ADAMTS9: variants seen among roughly 807,000 people sequenced by gnomAD.
ADAMTS9 encodes ADAM metallopeptidase with thrombospondin type 1 motif 9, also known as A disintegrin and metalloproteinase with thrombospondin motifs 9.
In ADAMTS9, 107 loss-of-function variants were observed where a neutral mutation model predicts 257.1. The ratio of observed to expected loss-of-function variants is 0.42; its 90% CI spans 0.36 to 0.49. ADAMTS9 has a LOEUF of 0.49. Among genes scored for constraint, ADAMTS9 ranks in the 20% least tolerant of loss-of-function variants. The pLI, the probability that ADAMTS9 is intolerant of heterozygous loss-of-function variation, is 0.03. For synonymous variants in ADAMTS9, 982 were observed against 880.9 expected, an observed-to-expected ratio of 1.11 and a Z score of -2.03; for missense variants, 2,353 against 2,469.1, an observed-to-expected ratio of 0.95 and a Z score of 1.00.
Position 64,603,909 on chromosome 3 carries a change from T to A in ADAMTS9, c.3747+13A>T. ...CCCCATTCCCCCTAATTCCAAATAA[T>A]CCACTGGCTTACAGAGCTCCAGTCC... On this transcript the variant is annotated intron_variant, in intron 25 of 39. Transcript: ENST00000498707. The A allele has an allele frequency of 6.2e-7, 1 of 1,613,152 alleles. No homozygotes were observed. Among genetic ancestry groups the A allele is most frequent in the Non-Finnish European group, 8.5e-7 (1 of 1,179,482 alleles).
chr3:64,520,088 C>G (rs1408460477), intron 39 of ADAMTS9, among the ~76,000 whole-genome samples: 4 of 152,128 alleles, frequency 2.6e-5, no homozygotes, highest in African/African-American at 9.7e-5. Context: ...AAAATGACTT[C>G]AGTAAATTTT....
intron 30 of ADAMTS9, among the ~76,000 whole-genome samples, chr3:64,560,634 A>AATG (rs891116185): frequency 2.2e-4 from 34 of 152,102 alleles, no homozygotes; most frequent in Non-Finnish European, 7.4e-5. Flanking sequence ...TAATAATAAT[A>AATG]ATGCTCACCT....
In ADAMTS9 at chr3:64,648,523, C is replaced by T. The variant is rs551971583; in HGVS notation, c.1606-479G>A. 1.1e-3 allele frequency among the ~76,000 whole-genome samples: 165 copies of T among 152,272 alleles called. 1 individual carries two copies. The highest frequency in any genetic ancestry group is 3.7e-3 in the African/African-American group (154 of 41,564). On this transcript the variant is annotated intron_variant, in intron 10 of 39. Coordinates refer to ENST00000498707, the MANE Select transcript of ADAMTS9 (RefSeq NM_182920.2). Reference sequence around the variant, plus strand: ...CTGTTTTTTAGATCTATTCCATTTGCTATATTTAGCTCTATTTCAGGGCAC... The same window carrying T: ...CTGTTTTTTAGATCTATTCCATTTGTTATATTTAGCTCTATTTCAGGGCAC...
At chr3:64,631,745 T>G (rs1045144505) in intron 15 of ADAMTS9, 63 bp downstream of exon 15, 13 of 1,430,584 alleles carry the variant, frequency 9.1e-6, no homozygotes, top group Non-Finnish European at 1.3e-5. Context: ...ATATTACATG[T>G]GGTTAACAAT....
intron 32 of ADAMTS9, among the ~76,000 whole-genome samples, chr3:64,542,390 G>A (rs926712567): frequency 4.0e-5 from 6 of 149,320 alleles, no homozygotes; most frequent in East Asian, 2.0e-4. Context: ...CTTCCAAGTC[G>A]TTATACACTT....
At chr3:64,546,073 T>C (rs2083193933) in intron 32 of ADAMTS9, among the ~76,000 whole-genome samples, 1 of 152,224 alleles carries the variant, frequency 6.6e-6, no homozygotes, top group African/African-American at 2.4e-5. Context: ...CAACAATAAC[T>C]ACTCCTTCTG....
chr3:64,607,205 A>T, intron 22 of ADAMTS9, 126 bp from the exon 23 acceptor site: 1 of 1,277,162 alleles, frequency 7.8e-7, no homozygotes, highest in Non-Finnish European at 1.1e-6. Flanking sequence ...GCGCTCAAAT[A>T]AACTAGGTCG....
chr3:64,543,446 T>A (rs2083154373), intron 32 of ADAMTS9, among the ~76,000 whole-genome samples: 2 of 152,230 alleles, frequency 1.3e-5, no homozygotes, highest in South Asian at 4.1e-4. Context: ...ATCCCTGGGA[T>A]GCAAGGCTGG....
At position 64,561,713 on chromosome 3, in the gene ADAMTS9, A is replaced by T. The variant is rs1009760206; in HGVS notation, c.4563T>A (p.His1521Gln). 2.5e-6 allele frequency: 4 copies of T among 1,582,276 alleles called. No individual in the cohort carries two copies. The African/African-American group carries it at 4.1e-5, about 16-fold the overall frequency. ...VSCGRGVQQRHVGCQIGTHKI... is the reference protein window; with the variant it reads ...VSCGRGVQQRQVGCQIGTHKI... ...TGTGTGTTCCGATCTGACAGCCCACATGCCTCTGCTGTACGCCTCGGCCAC... is the reference window on the plus strand; with the variant it reads ...TGTGTGTTCCGATCTGACAGCCCACTTGCCTCTGCTGTACGCCTCGGCCAC... Residue 1521 changes from histidine to glutamine, a missense_variant, in exon 30 of 40, where the codon CAT (histidine) becomes CAA (glutamine). Around this residue, in one of 3 missense-constraint regions of ADAMTS9, gnomAD observed 1,402 missense variants for 1,441.4 expected, o/e 0.97. Transcript: ENST00000498707.
At chr3:64,665,216 T>A (rs1190908839) in intron 3 of ADAMTS9, among the ~76,000 whole-genome samples, 1 of 152,192 alleles carries the variant, frequency 6.6e-6, no homozygotes, top group African/African-American at 2.4e-5. Context: ...TACAAGGACA[T>A]GAGTTAATAC....
intron 28 of ADAMTS9, chr3:64,582,522 A>G (rs1043294460): frequency 6.6e-6 from 1 of 152,314 alleles, no homozygotes. Flanking sequence ...CCATAGGAAT[A>G]TGGAAAGAGA....
At chr3:64,623,833 A>C (rs1332326752) in intron 16 of ADAMTS9, among the ~76,000 whole-genome samples, 1 of 152,202 alleles carries the variant, frequency 6.6e-6, no homozygotes, top group African/African-American at 2.4e-5. Flanking sequence ...GAAAGAGCAC[A>C]TGGCAGGTGC....
At position 64,633,510 on chromosome 3, in the gene ADAMTS9, G is replaced by C; in HGVS notation, c.2137C>G (p.Gln713Glu). Residue 713 changes from glutamine (Q) to glutamate (E), a missense_variant, in exon 14 of 40, where the codon CAG becomes GAG. This residue lies in a region of ADAMTS9 where 360 missense variants were observed against 458.1 expected (regional missense o/e 0.79). Coordinates refer to ENST00000498707, the MANE Select transcript of ADAMTS9 (RefSeq NM_182920.2). Reference sequence around the variant, plus strand: ...TGGACACAGATATCATTTGTGTCCTGGCCACAAGGAGTTCCATCTATCACT... The same window carrying C: ...TGGACACAGATATCATTTGTGTCCTCGCCACAAGGAGTTCCATCTATCACT... ...DRVIDGTPCG[Q>E]DTNDICVQGL... 1 of 1,614,066 alleles carries C rather than the reference G, an allele frequency of 6.2e-7. No individual in the cohort carries two copies. The highest frequency in any genetic ancestry group is 8.5e-7 in the Non-Finnish European group (1 of 1,179,974).
At chr3:64,595,803 C>G (rs962503220) in intron 27 of ADAMTS9, among the ~76,000 whole-genome samples, 1 of 152,136 alleles carries the variant, frequency 6.6e-6, no homozygotes, top group African/African-American at 2.4e-5. Flanking sequence ...CTTTTTCCCC[C>G]CCTTGGCACT....
Position 64,577,361 on chromosome 3 carries a change from C to T in ADAMTS9, c.4357-8826G>A, listed in dbSNP as rs1227328760. ...ACTTCTTTTCCCTTTCAAGGTTTAC[C>T]GGGTGATTATTTGTAACCTGACATC... On this transcript the variant is annotated intron_variant, in intron 28 of 39. Coordinates refer to ENST00000498707, the MANE Select transcript of ADAMTS9 (RefSeq NM_182920.2). Among the ~76,000 whole-genome samples the T allele has an allele frequency of 2.0e-5, 3 of 152,092 alleles. No individual in the cohort carries two copies. In the South Asian group the frequency reaches 6.2e-4, roughly 31 times the overall value.
chr3:64,579,119 C>G (rs1459505981), intron 28 of ADAMTS9, among the ~76,000 whole-genome samples: 1 of 152,116 alleles, frequency 6.6e-6, no homozygotes, highest in Non-Finnish European at 1.5e-5. Context: ...TCTACTTGCC[C>G]AACAGTCTGC....
chr3:64,567,580 G>A (rs2106678067), intron 29 of ADAMTS9, among the ~76,000 whole-genome samples: 1 of 152,208 alleles, frequency 6.6e-6, no homozygotes, highest in Non-Finnish European at 1.5e-5. Flanking sequence ...AGATTAAACA[G>A]AAGCTTCTAA....
intron 16 of ADAMTS9, among the ~76,000 whole-genome samples, chr3:64,624,760 T>C (rs1472816288): frequency 1.3e-5 from 2 of 152,242 alleles, no homozygotes; most frequent in African/African-American, 4.8e-5. Context: ...AAAATGAAGA[T>C]GTAATTTTGT....
chr3:64,611,243 G>A (rs1009600855), intron 22 of ADAMTS9, among the ~76,000 whole-genome samples: 5 of 152,032 alleles, frequency 3.3e-5, no homozygotes, highest in East Asian at 1.9e-4. Flanking sequence ...AGAAACAACC[G>A]AAATGGCCAT....
Sources: gnomAD v4.1 joint callset for allele counts (sites outside exome capture counted in the v4.1 genomes callset) on GRCh38, gnomAD v4.1.1 for gene constraint, gnomAD v4.1.1 regional missense constraint, MANE v1.5 for transcripts, NCBI Gene and HGNC (gene_info 2026-07-23, HGNC 2026-07-21) for gene names.